The following TRIQK variants were observed in gnomAD, a reference collection of about 807,000 sequenced individuals.
TRIQK encodes triple QxxK/R motif containing.
Under a neutral mutation model 10.8 loss-of-function variants are expected in TRIQK, and 10 were observed. That is an observed-to-expected ratio of 0.92 (90% CI 0.57 to 1.57). The LOEUF (loss-of-function observed/expected upper bound fraction) is 1.57. TRIQK is among the 40% of genes most tolerant of loss of function. The probability of loss-of-function intolerance (pLI) is 0.00; values close to 1 mark genes in which losing one functional copy is unlikely to be tolerated. For synonymous variants in TRIQK, 33 were observed against 33.7 expected (o/e 0.98, Z 0.07); for missense variants, 107 against 97.7 (o/e 1.09, Z -0.40).
At position 93,011,321 on chromosome 8, in the gene TRIQK, A is replaced by G. The variant is rs184377772; in HGVS notation, c.-181+6288T>C. On this transcript the variant is annotated intron_variant, in intron 1 of 4. Coordinates refer to the TRIQK transcript ENST00000520686. The stretch of plus-strand genomic sequence containing the variant: ...ATGATCTCACTACACAGAAATGATT[A>G]TTTCTGTGGAAATCATCATTAAGCA... Among the ~76,000 whole-genome samples the G allele has an allele frequency of 9.2e-5, 14 of 152,160 alleles. No individual in the cohort carries two copies. The East Asian group carries it at 2.7e-3, about 29-fold the overall frequency.
chr8:92,988,328 A>G (rs1359965251), intron 1 of TRIQK, among the ~76,000 whole-genome samples: 2 of 152,070 alleles, frequency 1.3e-5, no homozygotes, highest in Non-Finnish European at 2.9e-5. Flanking sequence ...TACTTTCTTA[A>G]ATTATTATAC....
chr8:92,891,989 C>T lies in TRIQK; in HGVS notation c.147G>A (p.Lys49=), dbSNP rs1473869502. The T allele has an allele frequency of 1.3e-6, 2 of 1,531,424 alleles. No individual in the cohort carries two copies. Among genetic ancestry groups the T allele is most frequent in the South Asian group, 1.2e-5 (1 of 83,548 alleles). 94.9% of individuals were successfully genotyped at this position (1,531,424 alleles called of 1,614,324 possible). The change falls in exon 4 of 5, where the codon AAG becomes AAA. Residue 49 remains lysine, a splice_region_variant and synonymous_variant. Transcript: ENST00000521988. ...TTAAAGTTATCAAATAGAGGTTTAC[C>T]TTTATGCCTATTGCTGTTTTCTTTG... ...AEAKKTAIGI[K]EVGLVLAAIL...
intron 2 of TRIQK, among the ~76,000 whole-genome samples, chr8:92,948,196 T>G (rs891925942): frequency 4.6e-5 from 7 of 152,340 alleles, no homozygotes; most frequent in Non-Finnish European, 8.8e-5. Context: ...CCATTTTGTA[T>G]TTTTTAATTC....
At chr8:92,920,322 T>C (rs1401521331) in intron 2 of TRIQK, among the ~76,000 whole-genome samples, 1 of 151,672 alleles carries the variant, frequency 6.6e-6, no homozygotes, top group Non-Finnish European at 1.5e-5. Context: ...CTGCAAGTTG[T>C]TCCTCATTCC....
intron 2 of TRIQK, among the ~76,000 whole-genome samples, chr8:92,940,615 C>T (rs1811220312): frequency 6.6e-6 from 1 of 151,950 alleles, no homozygotes; most frequent in African/African-American, 2.4e-5. Context: ...ATTGGAGCAC[C>T]CAAATAAATA....
upstream of TRIQK, chr8:92,966,223 G>C (rs996582728): frequency 1.4e-4 from 21 of 152,388 alleles, no homozygotes; most frequent in Admixed American, 1.2e-3. Flanking sequence ...TCTGTACGCC[G>C]GTCCAGGACG....
At chr8:92,999,394 C>A (rs942232523) in intron 1 of TRIQK, among the ~76,000 whole-genome samples, 1 of 152,106 alleles carries the variant, frequency 6.6e-6, no homozygotes, top group East Asian at 1.9e-4. Context: ...TTAAAAAACA[C>A]GTAGTCTCTG....
At chr8:92,929,910 T>C (rs1810624784) in intron 2 of TRIQK, among the ~76,000 whole-genome samples, 1 of 152,170 alleles carries the variant, frequency 6.6e-6, no homozygotes, top group Admixed American at 6.5e-5. Context: ...TAACTCTTAG[T>C]AGTCAAACTA....
chr8:92,993,431 C>G (rs1392103608), intron 1 of TRIQK, among the ~76,000 whole-genome samples: 2 of 152,172 alleles, frequency 1.3e-5, no homozygotes, highest in Non-Finnish European at 2.9e-5. Context: ...TCCTGACAAG[C>G]CTCCTTCTAG....
At chr8:92,951,844 G>T (rs2130669325) in intron 2 of TRIQK, among the ~76,000 whole-genome samples, 1 of 152,170 alleles carries the variant, frequency 6.6e-6, no homozygotes, top group East Asian at 1.9e-4. Flanking sequence ...TGGAGGAAGA[G>T]AAATACTCAA....
intron 3 of TRIQK, among the ~76,000 whole-genome samples, chr8:92,900,198 G>T (rs1041274900): frequency 2.0e-5 from 3 of 152,042 alleles, no homozygotes; most frequent in Non-Finnish European, 4.4e-5. Context: ...TCTGTGGGTT[G>T]TCCCTTTCAC....
At chr8:92,981,373 G>C (rs911060822) in intron 1 of TRIQK, among the ~76,000 whole-genome samples, 7 of 151,692 alleles carry the variant, frequency 4.6e-5, no homozygotes, top group Non-Finnish European at 8.8e-5. Context: ...CTATCTATTA[G>C]ATCAAGCTCG....
At chr8:92,905,606 T>A (rs548209439) in intron 3 of TRIQK, among the ~76,000 whole-genome samples, 2 of 152,180 alleles carry the variant, frequency 1.3e-5, no homozygotes, top group Admixed American at 6.5e-5. Flanking sequence ...GTACTTATTT[T>A]ATCTATGTAG....
At chr8:92,976,978 T>C (rs1812939907) in intron 1 of TRIQK, among the ~76,000 whole-genome samples, 1 of 152,024 alleles carries the variant, frequency 6.6e-6, no homozygotes, top group African/African-American at 2.4e-5. Flanking sequence ...CAACAATACA[T>C]GTGATTATTT....
At chr8:92,914,670 G>A (rs1809737065) in intron 3 of TRIQK, among the ~76,000 whole-genome samples, 1 of 152,060 alleles carries the variant, frequency 6.6e-6, no homozygotes, top group Non-Finnish European at 1.5e-5. Flanking sequence ...TATCAGAGAA[G>A]TGCTAATCCA....
In TRIQK at chr8:92,885,895, A is replaced by C. The variant is rs573311475; in HGVS notation, c.*727T>G. 1.4e-4 allele frequency: 21 copies of C among 151,812 alleles called. No homozygotes were observed. The highest frequency in any genetic ancestry group is 4.4e-5 in the Non-Finnish European group (3 of 67,764). The allele number at this position is 151,812 out of a possible 1,614,324, so 9.4% of individuals were successfully genotyped here. A position where few individuals can be genotyped will look rare whatever the true frequency, so the allele number is the denominator to read the frequency against. Reference sequence around the variant, plus strand: ...TACTACAAGCAGCCAGAACAACATAATTAGAATAGAATTCCAAGGTTATAT... The same window carrying C: ...TACTACAAGCAGCCAGAACAACATACTTAGAATAGAATTCCAAGGTTATAT... On this transcript the variant is annotated 3_prime_UTR_variant, in exon 5 of 5. Transcript: ENST00000521988.
At chr8:92,939,595 T>C (rs1394237749) in intron 2 of TRIQK, among the ~76,000 whole-genome samples, 1 of 152,020 alleles carries the variant, frequency 6.6e-6, no homozygotes, top group East Asian at 1.9e-4. Flanking sequence ...CAAAGAGATG[T>C]CCTCCTCCAC....
At chr8:92,917,717 T>C (rs1327294501) in intron 2 of TRIQK, among the ~76,000 whole-genome samples, 1 of 152,088 alleles carries the variant, frequency 6.6e-6, no homozygotes, top group Non-Finnish European at 1.5e-5. Context: ...TATTTACATG[T>C]TCTTTGTGTT....
intron 1 of TRIQK, among the ~76,000 whole-genome samples, chr8:92,983,476 A>G (rs1313819258): frequency 6.6e-6 from 1 of 152,056 alleles, no homozygotes; most frequent in Non-Finnish European, 1.5e-5. Context: ...CTTAACCTAG[A>G]GGTTTCATTA....
Sources: gnomAD v4.1 joint callset for allele counts (sites outside exome capture counted in the v4.1 genomes callset) on GRCh38, gnomAD v4.1.1 for gene constraint, MANE v1.5 for transcripts, NCBI Gene and HGNC (gene_info 2026-07-23, HGNC 2026-07-21) for gene names.